Variants in PHACTR4 observed in about 807,000 individuals in gnomAD.
PHACTR4 encodes protein phosphatase 1, regulatory subunit 124.
In PHACTR4, 51 loss-of-function variants were observed where a neutral mutation model predicts 72.7. That is an observed-to-expected ratio of 0.70 (90% confidence interval 0.56 to 0.89). PHACTR4 has a LOEUF of 0.89. PHACTR4 is among the 40% of genes least tolerant of loss of function. The probability of loss-of-function intolerance (pLI) is 0.00; values close to 1 mark genes in which losing one functional copy is unlikely to be tolerated. For synonymous variants in PHACTR4, 255 were observed against 302.5 expected, an observed-to-expected ratio of 0.84 and a Z score of 1.63; for missense variants, 731 against 861.8, an observed-to-expected ratio of 0.85 and a Z score of 1.90.
chr1:28,469,566 T>C (rs937735283), intron 6 of PHACTR4, among the ~76,000 whole-genome samples: 6 of 152,234 alleles, frequency 3.9e-5, no homozygotes, highest in African/African-American at 1.2e-4. Flanking sequence ...ATTTTATTAA[T>C]TCAAAAGTAA....
Position 28,473,744 on chromosome 1 carries a change from C to G in PHACTR4, c.1014C>G (p.Ile338Met). 6.2e-7 allele frequency: 1 copy of G among 1,614,060 alleles called. No homozygotes were observed. The highest frequency in any genetic ancestry group is 8.5e-7 in the Non-Finnish European group (1 of 1,180,000). Residue 338 changes from isoleucine (I) to methionine (M), a missense_variant, in exon 7 of 14, where the codon ATC becomes ATG. By Grantham distance (10) the Ile-to-Met change is conservative. Transcript: ENST00000373839. The part of the protein sequence containing the change: ...CSMGSELLPM[I>M]SPRSPSPPLP... ...TGGGCTCGGAACTACTACCAATGAT[C>G]TCACCTCGCTCTCCGTCCCCCCCAC... is the stretch of plus-strand genomic sequence containing the variant.
At chr1:28,472,610 C>CTT (rs34472891) in intron 6 of PHACTR4, among the ~76,000 whole-genome samples, 4,502 of 146,864 alleles carry the variant, frequency 0.031, 224 homozygotes, top group African/African-American at 0.11. Context: ...TACAAAATAA[C>CTT]TTTTTTTTTT....
intron 2 of PHACTR4, among the ~76,000 whole-genome samples, chr1:28,447,209 G>T (rs1278537396): frequency 6.6e-6 from 1 of 151,444 alleles, no homozygotes; most frequent in Non-Finnish European, 1.5e-5. Context: ...ACGGGGTTTC[G>T]CCGTATTGGC....
At chr1:28,450,496 C>T (rs1030262613) in intron 2 of PHACTR4, among the ~76,000 whole-genome samples, 1 of 152,136 alleles carries the variant, frequency 6.6e-6, no homozygotes, top group African/African-American at 2.4e-5. Context: ...TGAACAGTTT[C>T]AGGCCCATCT....
intron 2 of PHACTR4, among the ~76,000 whole-genome samples, chr1:28,418,958 A>G (rs995031644): frequency 3.3e-5 from 5 of 151,166 alleles, no homozygotes; most frequent in East Asian, 3.8e-4. Flanking sequence ...CTCAAAAAAT[A>G]AAAAAAGGAG....
chr1:28,387,259 CAAAAAAAAAA>C (rs11431699), intron 1 of PHACTR4, among the ~76,000 whole-genome samples: 3 of 96,508 alleles, frequency 3.1e-5, no homozygotes, highest in African/African-American at 1.1e-4. Context: ...GACCCTGTCT[CAAAAAAAAAA>C]AAAAAAAAAA....
intron 2 of PHACTR4, among the ~76,000 whole-genome samples, chr1:28,422,917 G>T (rs2124346639): frequency 6.6e-6 from 1 of 152,298 alleles, no homozygotes; most frequent in South Asian, 2.1e-4. Flanking sequence ...CTCCCAAGTA[G>T]CTGGGACTAC....
chr1:28,395,329 TG>T (rs1653412293), intron 1 of PHACTR4, among the ~76,000 whole-genome samples: 1 of 152,326 alleles, frequency 6.6e-6, no homozygotes, highest in East Asian at 1.9e-4. Context: ...TGATCAGTGA[TG>T]ATGATGAATT....
At chr1:28,489,088 T>C (rs970134731) in intron 9 of PHACTR4, 82 bp from the exon 10 acceptor site, 5 of 1,056,162 alleles carry the variant, frequency 4.7e-6, no homozygotes, top group Non-Finnish European at 7.1e-6. Flanking sequence ...TAGGGGCTAA[T>C]ATATACTGTG....
chr1:28,476,787 T>TTTTTTTTTTTTTTTTTTTTGTGG (rs1659951822), intron 8 of PHACTR4, among the ~76,000 whole-genome samples: 1 of 143,500 alleles, frequency 7.0e-6, no homozygotes, highest in Non-Finnish European at 1.5e-5. Context: ...TTTTTTTTTT[T>TTTTTTTTTTTTTTTTTTTTGTGG]GAGACGGAGT....
chr1:28,375,555 G>A (rs898542171), intron 1 of PHACTR4, among the ~76,000 whole-genome samples: 1 of 151,908 alleles, frequency 6.6e-6, no homozygotes, highest in Non-Finnish European at 1.5e-5. Flanking sequence ...GCATGGTAGT[G>A]GACATCTGTA....
At chr1:28,492,385 C>A (rs1661090208) in intron 12 of PHACTR4, among the ~76,000 whole-genome samples, 1 of 150,518 alleles carries the variant, frequency 6.6e-6, no homozygotes, top group Non-Finnish European at 1.5e-5. Context: ...TGCAGTGAGC[C>A]AAGATCATGC....
intron 3 of PHACTR4, 51 bp downstream of exon 3, chr1:28,459,309 A>C (rs1360505650): frequency 6.6e-7 from 1 of 1,504,328 alleles, no homozygotes; most frequent in African/African-American, 1.4e-5. Context: ...TCTCTATGTT[A>C]GATGTATTTA....
Position 28,488,386 on chromosome 1 carries a change from A to G in PHACTR4, c.1761-784A>G, listed in dbSNP as rs564121455. On this transcript the variant is annotated intron_variant, in intron 9 of 13. Coordinates refer to ENST00000373839, the MANE Select transcript of PHACTR4 (RefSeq NM_001048183.3). ...GTGGCAGGCGCCTGTAGTCCCAGCT[A>G]CTTGGAAGGCTGAGGCAGGAGAATG... Among the ~76,000 whole-genome samples, 14 of 152,300 alleles carry G rather than the reference A, an allele frequency of 9.2e-5. No individual in the cohort carries two copies. In the East Asian group the frequency reaches 2.7e-3, roughly 29 times the overall value.
At chr1:28,374,652 GTTCA>G (rs1651504215) in intron 1 of PHACTR4, among the ~76,000 whole-genome samples, 1 of 152,040 alleles carries the variant, frequency 6.6e-6, no homozygotes. Flanking sequence ...AAAACCATCT[GTTCA>G]TTCAGTCAAC....
At chr1:28,379,263 C>A (rs1275120734) in intron 1 of PHACTR4, among the ~76,000 whole-genome samples, 1 of 135,354 alleles carries the variant, frequency 7.4e-6, no homozygotes, top group Non-Finnish European at 1.5e-5. Context: ...CCTATAATTT[C>A]TTTCTTTCTT....
intron 1 of PHACTR4, among the ~76,000 whole-genome samples, chr1:28,398,894 G>C (rs551023375): frequency 1.8e-4 from 27 of 152,234 alleles, no homozygotes; most frequent in African/African-American, 6.3e-4. Context: ...AGTTTTATCA[G>C]ATCTCAAATA....
rs1397215307 is a variant in PHACTR4 at position 28,396,825 on chromosome 1, A to ATTTC, written c.-38-10565_-38-10562dup. ...AGGCTTACACCACCACGCCCGGCTA[A>ATTTC]TTTCTTTCTTTCTTTCTTTCTTTTT... On this transcript the variant is annotated intron_variant, in intron 1 of 13. Transcript: ENST00000373839. Among the ~76,000 whole-genome samples the ATTTC allele has an allele frequency of 1.6e-4, 22 of 135,976 alleles. 2 individuals carry two copies. The highest frequency in any genetic ancestry group is 6.8e-4 in the Admixed American group (9 of 13,156). The allele number at this position is 135,976 out of a possible 152,430, so 89.2% of individuals were successfully genotyped here.
intron 2 of PHACTR4, chr1:28,453,757 T>G: frequency 9.4e-7 from 1 of 1,064,524 alleles, no homozygotes; most frequent in Non-Finnish European, 1.4e-6. Flanking sequence ...ATGAAGAAAT[T>G]AAAAAAAGAG....
Sources: gnomAD v4.1 joint callset for allele counts (sites outside exome capture counted in the v4.1 genomes callset) on GRCh38, gnomAD v4.1.1 for gene constraint, MANE v1.5 for transcripts, NCBI Gene and HGNC (gene_info 2026-07-23, HGNC 2026-07-21) for gene names.